PNISR: variants seen among roughly 807,000 people sequenced by gnomAD.
The protein encoded by PNISR is arginine/serine-rich protein PNISR.
In PNISR, 20 loss-of-function variants were observed where a neutral mutation model predicts 93.4. The observed-to-expected ratio is 0.21, with a 90% confidence interval of 0.15 to 0.31. PNISR has a LOEUF of 0.31. Ranked by LOEUF, PNISR falls within the 10% of genes least tolerant of loss-of-function variation. The pLI is 1.00. For missense variants in PNISR, 893 were observed against 985.4 expected (o/e 0.91, Z 1.25); for synonymous variants, 305 against 306.5 (o/e 0.99, Z 0.05).
intron 8 of PNISR, 68 bp from the exon 9 acceptor site, chr6:99,404,770 ATAT>A (rs1486284287): frequency 1.2e-6 from 1 of 812,378 alleles, no homozygotes; most frequent in African/African-American, 1.7e-5. Context: ...ATCTTCAAAA[ATAT>A]TAAAATGCAA....
At position 99,420,430 on chromosome 6, in the gene PNISR, T is replaced by A. The variant is rs577135579; in HGVS notation, c.-111-4002A>T. Reference sequence around the variant, plus strand: ...AAACTTTTATATATGTTTCAGCACATAGCACAATGCTTGATAAGGAGTTTC... The same window carrying A: ...AAACTTTTATATATGTTTCAGCACAAAGCACAATGCTTGATAAGGAGTTTC... On this transcript the variant is annotated intron_variant, in intron 1 of 11. Coordinates refer to ENST00000369239, the MANE Select transcript of PNISR (RefSeq NM_032870.4). 2.0e-5 allele frequency among the ~76,000 whole-genome samples: 3 copies of A among 152,242 alleles called. No homozygotes were observed. The East Asian group carries it at 5.8e-4, about 29-fold the overall frequency.
chr6:99,405,251 G>C (rs1011816567), intron 8 of PNISR, among the ~76,000 whole-genome samples: 2 of 152,058 alleles, frequency 1.3e-5, no homozygotes, highest in Admixed American at 1.3e-4. Flanking sequence ...GATCACCTGA[G>C]GTCAGGTGTT....
At chr6:99,411,134 A>G (rs997921987) in intron 4 of PNISR, 170 bp from the exon 5 acceptor site, 14 of 598,026 alleles carry the variant, frequency 2.3e-5, no homozygotes, top group Non-Finnish European at 3.0e-6. Context: ...AATGAACTAA[A>G]CTGTCATATA....
chr6:99,407,524 T>C (rs148515298), intron 7 of PNISR, among the ~76,000 whole-genome samples: 3 of 152,282 alleles, frequency 2.0e-5, no homozygotes, highest in Non-Finnish European at 2.9e-5. Flanking sequence ...TTGAGACTTA[T>C]TTCTAAAGCA....
chr6:99,410,823 T>C lies in PNISR; in HGVS notation c.419A>G (p.His140Arg), dbSNP rs1562244174. 4.3e-6 allele frequency: 7 copies of C among 1,614,038 alleles called. No homozygotes were observed. Among genetic ancestry groups the C allele is most frequent in the Non-Finnish European group, 5.9e-6 (7 of 1,180,012 alleles). Residue 140 changes from histidine (H) to arginine (R), a missense_variant, in exon 5 of 12, where the codon CAT becomes CGT. His to Arg is a conservative substitution (Grantham distance 29, BLOSUM62 0). Coordinates refer to ENST00000369239, the MANE Select transcript of PNISR (RefSeq NM_032870.4). ...DSGEFAPDNRHIFNQNNHNFG... is the reference protein window; with the variant it reads ...DSGEFAPDNRRIFNQNNHNFG... ...GTTGTGATTGTTCTGGTTAAATATA[T>C]GCCTGTTGTCAGGGGCAAATTCCCC...
At chr6:99,407,330 TAA>T (rs939035588) in intron 7 of PNISR, among the ~76,000 whole-genome samples, 6 of 73,944 alleles carry the variant, frequency 8.1e-5, no homozygotes, top group Non-Finnish European at 1.2e-4. Context: ...CCCAACTGCC[TAA>T]AAAGACAAAA....
rs1221104967 is a variant in PNISR, at chr6:99,401,202, T to C, written c.1756A>G (p.Arg586Gly). Residue 586 changes from arginine to glycine, a missense_variant, in exon 12 of 12, where the codon AGG (arginine) becomes GGG (glycine). Arg to Gly is a moderately radical substitution (Grantham distance 125). Around this residue, in one of 3 missense-constraint regions of PNISR, gnomAD observed 866 missense variants for 935.1 expected, o/e 0.93. Transcript: ENST00000369239. ...CTATCTCTAATCTTTACCCTAGCCC[T>C]ATTGCTCTCTATTTTAATTCTGCGA... is the stretch of plus-strand genomic sequence containing the variant. ...YSRRIKIESN[R>G]ARVKIRDRRR... The C allele has an allele frequency of 6.2e-7, 1 of 1,613,876 alleles. No individual in the cohort carries two copies. Among genetic ancestry groups the C allele is most frequent in the East Asian group, 2.2e-5 (1 of 44,902 alleles).
intron 7 of PNISR, 126 bp from the exon 8 acceptor site, chr6:99,406,294 A>G (rs1352240569): frequency 6.3e-6 from 3 of 472,718 alleles, no homozygotes; most frequent in Non-Finnish European, 1.1e-5. Context: ...TGAAACTGCT[A>G]TCTAAATTAC....
chr6:99,402,615 G>A lies in PNISR; in HGVS notation c.1252C>T (p.Arg418Ter), dbSNP rs760257437. 2 of 1,613,058 alleles carry A rather than the reference G, an allele frequency of 1.2e-6. No individual in the cohort carries two copies. The highest frequency in any genetic ancestry group is 8.5e-7 in the Non-Finnish European group (1 of 1,179,424). Residue 418 changes from arginine (R) to a stop codon, truncating the protein, a stop_gained, in exon 11 of 12, where the codon CGA becomes TGA. Transcript: ENST00000369239. LOFTEE classifies it high-confidence loss of function. ...AAAGCTTCCTGTTTTTGCCGGATTCGATGCCGTAATTCTTCATCATCAGTG... is the reference window on the plus strand; with the variant it reads ...AAAGCTTCCTGTTTTTGCCGGATTCAATGCCGTAATTCTTCATCATCAGTG... ...SDTDDEELRH[R>*]IRQKQEAFWR...
intron 10 of PNISR, 71 bp downstream of exon 10, chr6:99,403,758 G>T: frequency 1.8e-6 from 2 of 1,105,064 alleles, no homozygotes; most frequent in South Asian, 1.3e-5. Context: ...TTTCAAAATA[G>T]AACACGCAGA....
At position 99,401,548 on chromosome 6, in the gene PNISR, T is replaced by C; in HGVS notation, c.1410A>G (p.Glu470=). The C allele has an allele frequency of 6.2e-7, 1 of 1,607,000 alleles. No homozygotes were observed. The highest frequency in any genetic ancestry group is 8.5e-7 in the Non-Finnish European group (1 of 1,178,350). Residue 470 remains glutamate, a synonymous_variant, in exon 12 of 12, where the codon GAA becomes GAG. Coordinates refer to ENST00000369239, the MANE Select transcript of PNISR (RefSeq NM_032870.4). Reference sequence around the variant, plus strand: ...CCACATCACCGTCTGCTTCTCTTGCTTCTAGTAGTGATAAACTATTTTGCT... The same window carrying C: ...CCACATCACCGTCTGCTTCTCTTGCCTCTAGTAGTGATAAACTATTTTGCT... ...HKEQNSLSLL[E]AREADGDVVN...
At chr6:99,411,137 G>T in intron 4 of PNISR, 173 bp from the exon 5 acceptor site, 1 of 567,696 alleles carries the variant, frequency 1.8e-6, no homozygotes. Flanking sequence ...GAACTAAACT[G>T]TCATATATAA....
At chr6:99,412,412 A>C (rs1777060818) in intron 4 of PNISR, 139 bp downstream of exon 4, 1 of 726,246 alleles carries the variant, frequency 1.4e-6, no homozygotes. Flanking sequence ...TGTCAAAGTC[A>C]AATCAAATTG....
intron 3 of PNISR, among the ~76,000 whole-genome samples, 199 bp downstream of exon 3, chr6:99,414,373 C>T (rs1053073934): frequency 2.0e-5 from 3 of 152,198 alleles, no homozygotes; most frequent in African/African-American, 7.2e-5. Context: ...AAGCTTTCTA[C>T]ATTTTGAGAG....
intron 1 of PNISR, among the ~76,000 whole-genome samples, chr6:99,421,599 T>C (rs1337726451): frequency 6.6e-6 from 1 of 152,082 alleles, no homozygotes; most frequent in African/African-American, 2.4e-5. Context: ...TGACAAGAAC[T>C]ACCAAAAGCT....
chr6:99,413,007 C>T (rs1777152144), intron 3 of PNISR, among the ~76,000 whole-genome samples: 2 of 152,100 alleles, frequency 1.3e-5, no homozygotes, highest in Admixed American at 1.3e-4. Context: ...CCACAAAAAA[C>T]ACTCTTAACC....
In PNISR at chr6:99,401,185, A is replaced by G. The variant is rs142887705; in HGVS notation, c.1773T>C (p.Ile591=). The change falls in exon 12 of 12, where the codon ATT becomes ATC. Residue 591 remains isoleucine, a synonymous_variant. Transcript: ENST00000369239. ...TTCTATTAGATCTCCTTCTATCTCT[A>G]ATCTTTACCCTAGCCCTATTGCTCT... ...KIESNRARVK[I]RDRRRSNRNS... 8.7e-6 allele frequency: 14 copies of G among 1,613,862 alleles called. No homozygotes were observed. Among genetic ancestry groups the G allele is most frequent in the African/African-American group, 5.3e-5 (4 of 74,864 alleles).
chr6:99,399,667 C>T lies in PNISR; in HGVS notation c.*873G>A, dbSNP rs111825837. 2.0e-5 allele frequency: 3 copies of T among 152,206 alleles called. No homozygotes were observed. The highest frequency in any genetic ancestry group is 7.2e-5 in the African/African-American group (3 of 41,526). 9.4% of individuals were successfully genotyped at this position (152,206 alleles called of 1,614,324 possible). A position where few individuals can be genotyped will look rare whatever the true frequency, so the allele number is the denominator to read the frequency against. ...ACAGGAGTGAACCACACGTTATACA[C>T]ACAGAGAATATATTACTTGAAAATC... On this transcript the variant is annotated 3_prime_UTR_variant, in exon 12 of 12. Transcript: ENST00000369239.
At position 99,410,430 on chromosome 6, in the gene PNISR, A is replaced by G. The variant is rs1011685062; in HGVS notation, c.501+311T>C. The G allele has an allele frequency of 2.2e-5, 6 of 274,532 alleles. No homozygotes were observed. In the South Asian group the frequency reaches 2.4e-4, roughly 11 times the overall value. 17.0% of individuals were successfully genotyped at this position (274,532 alleles called of 1,614,324 possible). ...AATTACTGTGCATTCTCTAGTCTTT[A>G]ACATTTAAATATACCATTTTGAAAT... On this transcript the variant is annotated intron_variant, in intron 5 of 11. Coordinates refer to ENST00000369239, the MANE Select transcript of PNISR (RefSeq NM_032870.4).
Sources: allele counts gnomAD v4.1 joint callset (sites outside exome capture counted in the v4.1 genomes callset), GRCh38; gene constraint gnomAD v4.1.1; regional missense constraint gnomAD v4.1.1; transcripts MANE v1.5; gene names NCBI Gene and HGNC (gene_info 2026-07-23, HGNC 2026-07-21).